AGAP1: variants seen among roughly 807,000 people sequenced by gnomAD.
AGAP1 encodes the protein arf-GAP with GTPase, ANK repeat and PH domain-containing protein 1.
In AGAP1, 29 loss-of-function variants were observed where a neutral mutation model predicts 105.3. The observed-to-expected ratio is 0.28, with a 90% CI of 0.21 to 0.38. The LOEUF is 0.38. Ranked by LOEUF, AGAP1 falls within the 10% of genes least tolerant of loss-of-function variation. The probability of loss-of-function intolerance (pLI) is 1.00; values close to 1 mark genes in which losing one functional copy is unlikely to be tolerated. For missense variants in AGAP1, 998 were observed against 1,165.1 expected (o/e 0.86, Z 2.09); for synonymous variants, 509 against 485.9 (o/e 1.05, Z -0.63).
rs529589258 is a variant in AGAP1, at chr2:236,055,137, T to C, written c.2114+5856T>C. Among the ~76,000 whole-genome samples, 32 of 152,308 alleles carry C rather than the reference T, an allele frequency of 2.1e-4. No individual in the cohort carries two copies. Among genetic ancestry groups the C allele is most frequent in the African/African-American group, 7.7e-4 (32 of 41,556 alleles). ...AATTAAGTTCTCTGGGGCTTAATGG[T>C]ATGAATAAACTCCTCTGATTCTATC... On this transcript the variant is annotated intron_variant, in intron 16 of 17. Transcript: ENST00000304032. The surrounding 1 kb of genome is among the most constrained non-coding windows in gnomAD (Gnocchi z 6.2).
At chr2:235,533,548 G>A (rs1197941146) in intron 1 of AGAP1, among the ~76,000 whole-genome samples, 2 of 152,220 alleles carry the variant, frequency 1.3e-5, no homozygotes, top group Non-Finnish European at 2.9e-5. Context: ...GGAATGTTGA[G>A]CAAAATTATA....
chr2:235,844,917 C>A (rs1575601280), intron 9 of AGAP1, among the ~76,000 whole-genome samples: 2 of 152,154 alleles, frequency 1.3e-5, no homozygotes, highest in East Asian at 3.9e-4. Flanking sequence ...ATTGTAGCAC[C>A]CATCACACTG....
rs1576160896 is a variant in AGAP1 at position 236,046,066 on chromosome 2, C to T, written c.1892-2993C>T. Reference sequence around the variant, plus strand: ...GGTGCACCACGGTCTGAACGAGGGGCCAGCATGAGTGGCTTCTGTATCTGC... The same window carrying T: ...GGTGCACCACGGTCTGAACGAGGGGTCAGCATGAGTGGCTTCTGTATCTGC... On this transcript the variant is annotated intron_variant, in intron 15 of 17. Coordinates refer to ENST00000304032, the MANE Select transcript of AGAP1 (RefSeq NM_001037131.3). This position sits in a 1 kb window ranked among gnomAD's most constrained non-coding sequence, Gnocchi z 5.2. 6.4e-6 allele frequency: 3 copies of T among 467,416 alleles called. No homozygotes were observed. The highest frequency in any genetic ancestry group is 4.7e-5 in the South Asian group (3 of 64,346). 29.0% of individuals were successfully genotyped at this position (467,416 alleles called of 1,614,324 possible).
chr2:236,075,932 A>G (rs1024693525), intron 16 of AGAP1, among the ~76,000 whole-genome samples: 5 of 152,188 alleles, frequency 3.3e-5, no homozygotes, highest in Non-Finnish European at 7.3e-5. Context: ...CTCCGCAGGG[A>G]GTGAGAGCAG....
At position 235,959,524 on chromosome 2, in the gene AGAP1, G is replaced by T. The variant is rs971761846; in HGVS notation, c.1484-8938G>T. ...ACGGGAACCCGGTCCTTCTTGCCAT[G>T]AGAACACCCAGCCCAGGAGAGGTCA... On this transcript the variant is annotated intron_variant, in intron 12 of 17. Transcript: ENST00000304032. The surrounding 1 kb of genome is among the most constrained non-coding windows in gnomAD (Gnocchi z 7.3). 1.3e-5 allele frequency among the ~76,000 whole-genome samples: 2 copies of T among 152,170 alleles called. No individual in the cohort carries two copies. Among genetic ancestry groups the T allele is most frequent in the African/African-American group, 2.4e-5 (1 of 41,446 alleles).
rs1574718441 is a variant in AGAP1, at chr2:235,509,697, AC to A, written c.163+14851del. On this transcript the variant is annotated intron_variant, in intron 1 of 17. Transcript: ENST00000304032. The stretch of plus-strand genomic sequence containing the variant: ...GCATCACCTCTGTCCGTCTGCTTGC[AC>A]CCATCTGCTGTCTGTCACTGTGGAT... Among the ~76,000 whole-genome samples the A allele has an allele frequency of 2.0e-5, 3 of 152,024 alleles. No individual in the cohort carries two copies. The South Asian group carries it at 6.2e-4, about 32-fold the overall frequency.
chr2:235,762,069 G>A (rs375357712), intron 6 of AGAP1, among the ~76,000 whole-genome samples: 61 of 147,686 alleles, frequency 4.1e-4, no homozygotes, highest in East Asian at 6.0e-4. Context: ...AGATTGTGCC[G>A]TTGCATTCCA....
chr2:235,718,534 A>G (rs1353150418), intron 3 of AGAP1: 11 of 490,408 alleles, frequency 2.2e-5, no homozygotes, highest in South Asian at 8.8e-5. Flanking sequence ...TCTTCAGTTG[A>G]ACATTCCACC....
chr2:235,792,999 G>A lies in AGAP1; in HGVS notation c.674-4760G>A, dbSNP rs1051205433. On this transcript the variant is annotated intron_variant, in intron 6 of 17. Coordinates refer to ENST00000304032, the MANE Select transcript of AGAP1 (RefSeq NM_001037131.3). This position sits in a 1 kb window ranked among gnomAD's most constrained non-coding sequence, Gnocchi z 5.3. ...GCACCCGCACTTCAGGAGCCAGCAA[G>A]GGAGGATGAGAAAGAGAAGTTCCAG... Among the ~76,000 whole-genome samples the A allele has an allele frequency of 1.2e-4, 19 of 152,182 alleles. No homozygotes were observed. Among genetic ancestry groups the A allele is most frequent in the Non-Finnish European group, 2.5e-4 (17 of 68,034 alleles).
chr2:235,514,172 A>G (rs1193026923), intron 1 of AGAP1, among the ~76,000 whole-genome samples: 1 of 152,164 alleles, frequency 6.6e-6, no homozygotes, highest in South Asian at 2.1e-4. Flanking sequence ...GCACACACAC[A>G]CACACACACA....
intron 3 of AGAP1, among the ~76,000 whole-genome samples, chr2:235,735,514 C>T (rs1040275447): frequency 6.6e-6 from 1 of 152,142 alleles, no homozygotes; most frequent in Non-Finnish European, 1.5e-5. Context: ...AACTGGCTCT[C>T]ACATTGTGAG....
rs2059882469 is a variant in AGAP1 at position 236,120,921 on chromosome 2, C to G, written c.2370+474C>G. Among the ~76,000 whole-genome samples, 1 of 152,210 alleles carries G rather than the reference C, an allele frequency of 6.6e-6. No homozygotes were observed. Among genetic ancestry groups the G allele is most frequent in the African/African-American group, 2.4e-5 (1 of 41,458 alleles). ...ACTGGGGAAAAGTATTATTTACATT[C>G]CTATTGAAGCATGTGTCACAATGCT... On this transcript the variant is annotated intron_variant, in intron 17 of 17. Transcript: ENST00000304032. The surrounding 1 kb of genome is among the most constrained non-coding windows in gnomAD (Gnocchi z 6.0).
At chr2:236,019,376 G>T (rs1325594254) in intron 13 of AGAP1, among the ~76,000 whole-genome samples, 2 of 152,200 alleles carry the variant, frequency 1.3e-5, no homozygotes, top group Non-Finnish European at 2.9e-5. Context: ...TGCTCTGGGG[G>T]CTTTGTGGAG....
At chr2:236,074,339 G>A (rs1036328952) in intron 16 of AGAP1, among the ~76,000 whole-genome samples, 1 of 152,310 alleles carries the variant, frequency 6.6e-6, no homozygotes, top group African/African-American at 2.4e-5. Flanking sequence ...AGAATCAACT[G>A]TAAAAGCTTT....
At chr2:235,829,562 A>G (rs1959191977) in intron 9 of AGAP1, among the ~76,000 whole-genome samples, 1 of 152,236 alleles carries the variant, frequency 6.6e-6, no homozygotes, top group East Asian at 1.9e-4. Context: ...CCAGTTGGGT[A>G]GTTTTCCTTC....
chr2:235,590,912 G>A (rs1436941371), intron 1 of AGAP1, among the ~76,000 whole-genome samples: 10 of 151,300 alleles, frequency 6.6e-5, no homozygotes, highest in African/African-American at 2.2e-4. Flanking sequence ...TAGTAGAGAC[G>A]GGGTTTCACC....
In AGAP1 at chr2:235,600,954, T is replaced by C. The variant is rs1343357065; in HGVS notation, c.163+106105T>C. Among the ~76,000 whole-genome samples the C allele has an allele frequency of 6.6e-6, 1 of 152,190 alleles. No homozygotes were observed. The highest frequency in any genetic ancestry group is 2.4e-5 in the African/African-American group (1 of 41,450). On this transcript the variant is annotated intron_variant, in intron 1 of 17. Transcript: ENST00000304032. The surrounding 1 kb of genome is among the most constrained non-coding windows in gnomAD (Gnocchi z 4.8). ...CCCATCTCAGCTGGTGCTCACTTTA[T>C]TTTTACTGCTTGTTGTTCTGGCCCC...
chr2:236,045,870 C>CT lies in AGAP1; in HGVS notation c.1892-3188dup, dbSNP rs1270783658. ...CAGTCAGCCCCAGCCTTACCTGTCT[C>CT]TAAGCAGAGGGTGGTGAGCATGGGG... On this transcript the variant is annotated intron_variant, in intron 15 of 17. Transcript: ENST00000304032. This position sits in a 1 kb window ranked among gnomAD's most constrained non-coding sequence, Gnocchi z 6.9. 4 of 452,490 alleles carry CT rather than the reference C, an allele frequency of 8.8e-6. No homozygotes were observed. The highest frequency in any genetic ancestry group is 1.9e-5 in the Non-Finnish European group (4 of 213,884). 28.0% of individuals were successfully genotyped at this position (452,490 alleles called of 1,614,324 possible).
At position 235,621,637 on chromosome 2, in the gene AGAP1, C is replaced by T. The variant is rs551316107; in HGVS notation, c.164-87542C>T. Among the ~76,000 whole-genome samples, 2 of 152,208 alleles carry T rather than the reference C, an allele frequency of 1.3e-5. No homozygotes were observed. The highest frequency in any genetic ancestry group is 3.9e-4 in the East Asian group (2 of 5,188). ...CCTCTGACTCCAGATGTCAGTGACC[C>T]TTCTGGTCTCTCCAACACAAGGGTT... On this transcript the variant is annotated intron_variant, in intron 1 of 17. Coordinates refer to ENST00000304032, the MANE Select transcript of AGAP1 (RefSeq NM_001037131.3). The surrounding 1 kb of genome is among the most constrained non-coding windows in gnomAD (Gnocchi z 4.1).
Sources: gnomAD v4.1 joint callset for allele counts (sites outside exome capture counted in the v4.1 genomes callset) on GRCh38, gnomAD v4.1.1 for gene constraint, Gnocchi (gnomAD v3.1) non-coding constraint, MANE v1.5 for transcripts, NCBI Gene and HGNC (gene_info 2026-07-23, HGNC 2026-07-21) for gene names.